Variants in COL26A1 observed in about 807,000 individuals in gnomAD.
COL26A1 encodes collagen type XXVI alpha 1 chain.
Under a neutral mutation model 59.3 loss-of-function variants are expected in COL26A1, and 41 were observed. The observed-to-expected ratio is 0.69, with a 90% CI of 0.54 to 0.90. COL26A1 has a LOEUF of 0.90. Ranked by LOEUF, COL26A1 falls within the 40% of genes least tolerant of loss-of-function variation. The probability of loss-of-function intolerance (pLI) is 0.00; values close to 1 mark genes in which losing one functional copy is unlikely to be tolerated. For synonymous variants in COL26A1, 266 were observed against 256.0 expected, an observed-to-expected ratio of 1.04 and a Z score of -0.37; for missense variants, 612 against 602.3, an observed-to-expected ratio of 1.02 and a Z score of -0.17.
At chr7:101,458,744 T>G in intron 3 of COL26A1, among the ~76,000 whole-genome samples, 1 of 151,606 alleles carries the variant, frequency 6.6e-6, no homozygotes, top group African/African-American at 2.4e-5. Flanking sequence ...GCAGAGGAAA[T>G]AAGAGATTTG....
At chr7:101,547,894 C>T (rs1795774799) in intron 8 of COL26A1, among the ~76,000 whole-genome samples, 2 of 152,206 alleles carry the variant, frequency 1.3e-5, no homozygotes, top group Non-Finnish European at 2.9e-5. Flanking sequence ...TCTGCCACTA[C>T]ATGTGCCAGA....
chr7:101,525,144 A>G (rs1795215143), intron 3 of COL26A1, among the ~76,000 whole-genome samples: 1 of 132,836 alleles, frequency 7.5e-6, no homozygotes, highest in South Asian at 2.5e-4. Context: ...GATAGTTCCC[A>G]CTCAGTATCC....
chr7:101,482,196 C>T (rs556274200), intron 3 of COL26A1, among the ~76,000 whole-genome samples: 7 of 151,982 alleles, frequency 4.6e-5, no homozygotes, highest in South Asian at 2.1e-4. Context: ...TTAGTAGAGA[C>T]GGGGTTTTGC....
intron 1 of COL26A1, among the ~76,000 whole-genome samples, chr7:101,399,364 T>C (rs1310400055): frequency 6.6e-6 from 1 of 151,886 alleles, no homozygotes; most frequent in African/African-American, 2.4e-5. Flanking sequence ...TGTCTCTCTC[T>C]TCTTTCTTTC....
rs1002017266 is a variant in COL26A1 at position 101,558,103 on chromosome 7, T to A, written c.*573T>A. On this transcript the variant is annotated 3_prime_UTR_variant, in exon 13 of 13. Transcript: ENST00000313669. ...AGGGCGCAGGGCCAGAACGGCTCCT[T>A]AAGGCAGGCAGGGCTGCGGGGAGGC... is the stretch of plus-strand genomic sequence containing the variant. The A allele has an allele frequency of 6.6e-6, 1 of 152,272 alleles. No individual in the cohort carries two copies. The highest frequency in any genetic ancestry group is 6.5e-5 in the Admixed American group (1 of 15,290). The allele number at this position is 152,272 out of a possible 1,614,324, so 9.4% of individuals were successfully genotyped here.
Position 101,447,444 on chromosome 7 carries a change from G to C in COL26A1, c.282-240G>C, listed in dbSNP as rs906997325. 7.2e-5 allele frequency among the ~76,000 whole-genome samples: 11 copies of C among 152,368 alleles called. 1 individual carries two copies. The South Asian group carries it at 1.7e-3, about 23-fold the overall frequency. On this transcript the variant is annotated intron_variant, in intron 2 of 12. Coordinates refer to ENST00000313669, the MANE Select transcript of COL26A1 (RefSeq NM_001278563.3). ...CAGGAATGAAGGAGGACAGCCTAAA[G>C]TTAGAAGCAAGATGGAGTCAGTTAG...
chr7:101,467,871 G>GAAAAGA (rs1793802085), intron 3 of COL26A1, among the ~76,000 whole-genome samples: 1 of 150,432 alleles, frequency 6.6e-6, no homozygotes, highest in African/African-American at 2.4e-5. Flanking sequence ...CGTCTCAAAA[G>GAAAAGA]AAAAGAAAAA....
chr7:101,537,450 C>A (rs137941177), intron 4 of COL26A1, among the ~76,000 whole-genome samples: 2 of 152,234 alleles, frequency 1.3e-5, no homozygotes, highest in African/African-American at 4.8e-5. Context: ...AAGGCCGTGG[C>A]CTGGTTTTCT....
intron 1 of COL26A1, among the ~76,000 whole-genome samples, chr7:101,405,497 A>AT (rs911071066): frequency 6.6e-6 from 1 of 151,356 alleles, no homozygotes; most frequent in Non-Finnish European, 1.5e-5. Context: ...TGCCCAGCTA[A>AT]TTTTTTTTTC....
In COL26A1 at chr7:101,362,991, C is replaced by T; in HGVS notation, c.-42C>T. The T allele has an allele frequency of 3.9e-6, 6 of 1,541,418 alleles. No homozygotes were observed. The highest frequency in any genetic ancestry group is 5.2e-6 in the Non-Finnish European group (6 of 1,153,200). On this transcript the variant is annotated 5_prime_UTR_variant, in exon 1 of 13. Coordinates refer to ENST00000313669, the MANE Select transcript of COL26A1 (RefSeq NM_001278563.3). The stretch of plus-strand genomic sequence containing the variant: ...GGGCGCCGGTGCGCTCCTGCCGGTC[C>T]TCGTGCCCGGGACTCCGGGTCCCCG...
At chr7:101,482,936 G>A (rs1170321076) in intron 3 of COL26A1, among the ~76,000 whole-genome samples, 1 of 152,130 alleles carries the variant, frequency 6.6e-6, no homozygotes, top group Non-Finnish European at 1.5e-5. Flanking sequence ...CAGCCTGGAC[G>A]ACAAGTGAGA....
At chr7:101,557,047 G>A (rs554573159) in intron 12 of COL26A1, among the ~76,000 whole-genome samples, 3 of 75,016 alleles carry the variant, frequency 4.0e-5, no homozygotes, top group East Asian at 2.1e-4. Flanking sequence ...ATGGATGGAC[G>A]GGCAGGTAAA....
chr7:101,407,980 C>G (rs1792167199), intron 1 of COL26A1, among the ~76,000 whole-genome samples: 1 of 152,226 alleles, frequency 6.6e-6, no homozygotes, highest in Non-Finnish European at 1.5e-5. Flanking sequence ...TCTGGGCACA[C>G]TGCCTGTGGG....
At position 101,419,563 on chromosome 7, in the gene COL26A1, T is replaced by C. The variant is rs534073519; in HGVS notation, c.159-414T>C. 1.0e-3 allele frequency among the ~76,000 whole-genome samples: 152 copies of C among 152,288 alleles called. 1 individual carries two copies. The highest frequency in any genetic ancestry group is 6.6e-3 in the South Asian group (32 of 4,828). On this transcript the variant is annotated intron_variant, in intron 1 of 12. Coordinates refer to ENST00000313669, the MANE Select transcript of COL26A1 (RefSeq NM_001278563.3). ...GTCGGTTGGTCGGTTGGCTAACTTA[T>C]CTTGCACTACTCAGCTGGTGGCCTC...
intron 11 of COL26A1, among the ~76,000 whole-genome samples, chr7:101,553,611 G>C (rs760279595): frequency 1.7e-4 from 26 of 152,140 alleles, no homozygotes; most frequent in Non-Finnish European, 3.2e-4. Flanking sequence ...TGCCACAGAG[G>C]GGGTGATTGG....
At chr7:101,518,309 GCC>G (rs1020846971) in intron 3 of COL26A1, among the ~76,000 whole-genome samples, 1 of 152,164 alleles carries the variant, frequency 6.6e-6, no homozygotes, top group African/African-American at 2.4e-5. Flanking sequence ...GTGCCCCTCA[GCC>G]CTCTGGGGTT....
At chr7:101,524,521 C>T (rs535757595) in intron 3 of COL26A1, among the ~76,000 whole-genome samples, 1 of 151,838 alleles carries the variant, frequency 6.6e-6, no homozygotes, top group African/African-American at 2.4e-5. Flanking sequence ...GTGTAACACA[C>T]CAGCTGCAAT....
intron 2 of COL26A1, among the ~76,000 whole-genome samples, chr7:101,438,517 G>A (rs4727494): frequency 0.6 from 91,259 of 151,130 alleles, 31,532 homozygotes; most frequent in Middle Eastern, 0.77. Flanking sequence ...CTTTCTGTTG[G>A]TGTGGACCAA....
intron 3 of COL26A1, among the ~76,000 whole-genome samples, chr7:101,469,722 T>G (rs1304719950): frequency 6.6e-6 from 1 of 152,136 alleles, no homozygotes; most frequent in Non-Finnish European, 1.5e-5. Context: ...ACTCCTGGCC[T>G]CAAGTGATCC....
Sources: gnomAD v4.1 joint callset for allele counts (sites outside exome capture counted in the v4.1 genomes callset) on GRCh38, gnomAD v4.1.1 for gene constraint, MANE v1.5 for transcripts, NCBI Gene and HGNC (gene_info 2026-07-23, HGNC 2026-07-21) for gene names.